ZNF860: variants seen among roughly 807,000 people sequenced by gnomAD.
The protein encoded by ZNF860 is zinc finger protein 860.
For missense variants in ZNF860, 641 were observed against 759.2 expected, an observed-to-expected ratio of 0.84 and a Z score of 1.83; for synonymous variants, 206 against 248.9, an observed-to-expected ratio of 0.83 and a Z score of 1.62.
At chr3:32,002,473 A>G in the ZNF860 span, among the ~76,000 whole-genome samples, 1 of 152,260 alleles carries the variant, frequency 6.6e-6, no homozygotes, top group Non-Finnish European at 1.5e-5. Flanking sequence ...TATTATTTTA[A>G]GTCCTGGACT....
chr3:31,996,542 A>G (rs1370786604), downstream of ZNF860, among the ~76,000 whole-genome samples: 1 of 152,170 alleles, frequency 6.6e-6, no homozygotes, highest in Non-Finnish European at 1.5e-5. Flanking sequence ...TTATCTTCAG[A>G]TTTAAGAATT....
chr3:31,992,837 T>C (rs944389644), downstream of ZNF860, among the ~76,000 whole-genome samples: 1 of 152,080 alleles, frequency 6.6e-6, no homozygotes, highest in Non-Finnish European at 1.5e-5. Context: ...GTCCAGAAAG[T>C]TTTTTAAATA....
chr3:31,983,650 T>C (rs767464937), intron 1 of ZNF860, among the ~76,000 whole-genome samples: 46 of 152,308 alleles, frequency 3.0e-4, no homozygotes, highest in Non-Finnish European at 1.8e-4. Context: ...CTGGTGACAC[T>C]GTTCCCTGCT....
chr3:31,997,079 T>G, the ZNF860 span, among the ~76,000 whole-genome samples: 1 of 152,188 alleles, frequency 6.6e-6, no homozygotes, highest in South Asian at 2.1e-4. Context: ...ACAAGACACA[T>G]TTGAGATCAT....
rs200509073 is a variant in ZNF860, at chr3:31,989,170, A to G, written c.91A>G (p.Ile31Val). ...ACACTTGACTTTTAGGGATGTGGCT[A>G]TAGAATTCTCTTTGGAGGAGTGGAA... ...QGHLTFRDVAIEFSLEEWKCL... is the reference protein window; with the variant it reads ...QGHLTFRDVAVEFSLEEWKCL... Residue 31 changes from isoleucine (I) to valine (V), a missense_variant, in exon 2 of 2, where the codon ATA becomes GTA. By Grantham distance (29) the Ile-to-Val change is conservative. Coordinates refer to ENST00000360311, the MANE Select transcript of ZNF860 (RefSeq NM_001137674.3). The G allele has an allele frequency of 5.7e-4, 913 of 1,614,152 alleles. No individual in the cohort carries two copies. Among genetic ancestry groups the G allele is most frequent in the Non-Finnish European group, 7.1e-4 (832 of 1,180,012 alleles).
At chr3:31,997,016 G>A in the ZNF860 span, among the ~76,000 whole-genome samples, 3,634 of 152,170 alleles carry the variant, frequency 0.024, 74 homozygotes, top group African/African-American at 0.057. Flanking sequence ...AAAGGTGGGA[G>A]CCTTTATTTA....
chr3:31,994,007 C>A (rs34743632), downstream of ZNF860, among the ~76,000 whole-genome samples: 52,674 of 151,986 alleles, frequency 0.35, 12,768 homozygotes, highest in African/African-American at 0.68. Context: ...AAATGTAAAC[C>A]AACTATGGTA....
At chr3:31,998,210 G>C in the ZNF860 span, among the ~76,000 whole-genome samples, 79 of 152,200 alleles carry the variant, frequency 5.2e-4, no homozygotes, top group Non-Finnish European at 9.0e-4. Context: ...TATGATGTGT[G>C]AGAGAGTATT....
At chr3:31,984,023 G>T (rs1026705887) in intron 1 of ZNF860, among the ~76,000 whole-genome samples, 15 of 151,156 alleles carry the variant, frequency 9.9e-5, no homozygotes, top group African/African-American at 2.7e-4. Context: ...AGCCTAAGGG[G>T]TTTTTTTTGT....
chr3:31,982,061 C>T (rs750555495), intron 1 of ZNF860, among the ~76,000 whole-genome samples, 159 bp downstream of exon 1: 12 of 152,120 alleles, frequency 7.9e-5, no homozygotes, highest in Non-Finnish European at 1.5e-4. Context: ...AATCCCCTGC[C>T]CTGAATGGCA....
chr3:31,998,924 A>G, the ZNF860 span, among the ~76,000 whole-genome samples: 2 of 152,356 alleles, frequency 1.3e-5, no homozygotes, highest in South Asian at 2.1e-4. Flanking sequence ...AATCATTCAC[A>G]CTTTAGTATA....
intron 1 of ZNF860, among the ~76,000 whole-genome samples, chr3:31,983,532 C>A (rs1698891721): frequency 6.6e-6 from 1 of 152,192 alleles, no homozygotes; most frequent in South Asian, 2.1e-4. Flanking sequence ...GGGGCAGGAG[C>A]AAGCCAGCCG....
downstream of ZNF860, among the ~76,000 whole-genome samples, chr3:31,993,818 T>A (rs1391268684): frequency 6.6e-6 from 1 of 152,206 alleles, no homozygotes; most frequent in Non-Finnish European, 1.5e-5. Context: ...TGACAGTGTC[T>A]TTTAAAGTTA....
At chr3:31,984,097 G>A (rs140008995) in intron 1 of ZNF860, among the ~76,000 whole-genome samples, 2 of 152,190 alleles carry the variant, frequency 1.3e-5, no homozygotes, top group Non-Finnish European at 2.9e-5. Context: ...GAGTGTAGTG[G>A]CACGACCTCA....
the ZNF860 span, among the ~76,000 whole-genome samples, chr3:31,997,175 C>T: frequency 3.9e-5 from 6 of 152,248 alleles, no homozygotes; most frequent in African/African-American, 1.4e-4. Context: ...TTTATGTGCA[C>T]AGCAGAGCCC....
downstream of ZNF860, among the ~76,000 whole-genome samples, chr3:31,993,309 A>G (rs753023760): frequency 3.9e-5 from 6 of 151,918 alleles, no homozygotes; most frequent in Non-Finnish European, 5.9e-5. Flanking sequence ...TCCCAGGTTC[A>G]AGCACTTCTC....
the ZNF860 span, among the ~76,000 whole-genome samples, chr3:32,005,009 CA>C: frequency 1.3e-5 from 2 of 152,252 alleles, no homozygotes; most frequent in East Asian, 3.9e-4. Flanking sequence ...TAAAATCATA[CA>C]GAAGTGGTAT....
In ZNF860 at chr3:31,989,666, C is replaced by A. The variant is rs750707145; in HGVS notation, c.587C>A (p.Ser196Tyr). 1.9e-6 allele frequency: 3 copies of A among 1,614,082 alleles called. 1 individual carries two copies. Among genetic ancestry groups the A allele is most frequent in the African/African-American group, 1.3e-5 (1 of 75,046 alleles). Reference sequence around the variant, plus strand: ...TCAGTTCTAACGTCCCAAAGAATTTCTTCTAGGCCCAAAATCCATATTTCT... The same window carrying A: ...TCAGTTCTAACGTCCCAAAGAATTTATTCTAGGCCCAAAATCCATATTTCT... ...ASSVLTSQRI[S>Y]SRPKIHISNN... Residue 196 changes from serine to tyrosine, a missense_variant, in exon 2 of 2, where the codon TCT becomes TAT. Transcript: ENST00000360311.
chr3:31,992,928 A>G (rs1267661515), downstream of ZNF860, among the ~76,000 whole-genome samples: 1 of 152,172 alleles, frequency 6.6e-6, no homozygotes, highest in African/African-American at 2.4e-5. Flanking sequence ...ACTTGAACAC[A>G]GAAGTTCAAA....
Sources: gnomAD v4.1 joint callset for allele counts (sites outside exome capture counted in the v4.1 genomes callset) on GRCh38, gnomAD v4.1.1 for gene constraint, MANE v1.5 for transcripts, NCBI Gene and HGNC (gene_info 2026-07-23, HGNC 2026-07-21) for gene names.